The following CAMK4 variants were observed in gnomAD, a reference collection of about 807,000 sequenced individuals.
CAMK4 encodes the protein calcium/calmodulin dependent protein kinase IV, also known as calcium/calmodulin-dependent protein kinase type IV.
CAMK4 carries 22 observed loss-of-function variants against 44.9 expected under a neutral mutation model. The ratio of observed to expected loss-of-function variants is 0.49; its 90% confidence interval spans 0.35 to 0.70. The LOEUF (loss-of-function observed/expected upper bound fraction) is 0.70, where lower values mean the gene tolerates loss of function less well. CAMK4 is among the 30% of genes least tolerant of loss of function. The probability of loss-of-function intolerance (pLI) is 0.01; values close to 1 mark genes in which losing one functional copy is unlikely to be tolerated. For synonymous variants in CAMK4, 218 were observed against 215.4 expected, an observed-to-expected ratio of 1.01 and a Z score of -0.11; for missense variants, 498 against 586.8, an observed-to-expected ratio of 0.85 and a Z score of 1.56.
At chr5:111,404,330 A>G (rs1350277534) in intron 5 of CAMK4, among the ~76,000 whole-genome samples, 3 of 152,164 alleles carry the variant, frequency 2.0e-5, no homozygotes, top group Admixed American at 6.5e-5. Context: ...AGCCTCTGTA[A>G]ACTGTCTAGA....
At chr5:111,337,099 C>T (rs1309718237) in intron 1 of CAMK4, among the ~76,000 whole-genome samples, 2 of 151,036 alleles carry the variant, frequency 1.3e-5, no homozygotes, top group Non-Finnish European at 3.0e-5. Context: ...AAAAAATTCC[C>T]CTATACTACT....
chr5:111,332,440 C>T (rs947116024), intron 1 of CAMK4, among the ~76,000 whole-genome samples: 9 of 151,152 alleles, frequency 6.0e-5, no homozygotes, highest in South Asian at 4.2e-4. Flanking sequence ...TAGTATTCCA[C>T]GATGTATATG....
intron 1 of CAMK4, among the ~76,000 whole-genome samples, chr5:111,263,662 G>T (rs1428961297): frequency 6.6e-6 from 1 of 152,090 alleles, no homozygotes; most frequent in Non-Finnish European, 1.5e-5. Flanking sequence ...ATGTAAACCA[G>T]TCCAAATTGT....
intron 7 of CAMK4, among the ~76,000 whole-genome samples, chr5:111,454,824 T>C (rs1754362317): frequency 6.6e-6 from 1 of 151,112 alleles, no homozygotes; most frequent in African/African-American, 2.4e-5. Context: ...ATCAAGTTGT[T>C]AGAGTAGAAA....
intron 2 of CAMK4, among the ~76,000 whole-genome samples, chr5:111,354,689 T>C (rs1403723311): frequency 6.6e-6 from 1 of 151,966 alleles, no homozygotes. Context: ...AGAGCGAGAC[T>C]CTGTCTCAAA....
intron 5 of CAMK4, among the ~76,000 whole-genome samples, chr5:111,419,565 T>A (rs1752945638): frequency 6.6e-6 from 1 of 152,216 alleles, no homozygotes; most frequent in Admixed American, 6.5e-5. Context: ...TCTAGGGTTT[T>A]TATGGTTTTA....
At chr5:111,358,559 CTT>C (rs1348100077) in intron 2 of CAMK4, among the ~76,000 whole-genome samples, 3 of 140,814 alleles carry the variant, frequency 2.1e-5, no homozygotes, top group Admixed American at 1.4e-4. Context: ...CAGGATTTTT[CTT>C]TTTTTTTTTT....
intron 1 of CAMK4, chr5:111,266,189 T>C (rs1750232232): frequency 9.8e-6 from 1 of 101,932 alleles, no homozygotes; most frequent in Admixed American, 1.2e-4. Context: ...TAAATAAATA[T>C]ATTCACACAC....
intron 7 of CAMK4, among the ~76,000 whole-genome samples, chr5:111,469,158 AAAAAAAAAAAAAAAATATATAT>A (rs1343872494): frequency 1.4e-4 from 12 of 83,202 alleles, no homozygotes; most frequent in South Asian, 4.0e-4. Context: ...AAAAAAAAAA[AAAAAAAAAAAAAAAATATATAT>A]ATATATATAT....
intron 5 of CAMK4, among the ~76,000 whole-genome samples, chr5:111,429,342 G>A (rs1304726026): frequency 6.6e-6 from 1 of 152,164 alleles, no homozygotes; most frequent in Non-Finnish European, 1.5e-5. Flanking sequence ...GGTAATTAGT[G>A]CTACTGCGAG....
At chr5:111,460,284 T>TA (rs1158505834) in intron 7 of CAMK4, among the ~76,000 whole-genome samples, 1 of 147,972 alleles carries the variant, frequency 6.8e-6, no homozygotes, top group Non-Finnish European at 1.5e-5. Flanking sequence ...TTTTTTTTTT[T>TA]TGAGGCAGAG....
intron 5 of CAMK4, among the ~76,000 whole-genome samples, chr5:111,430,613 G>A (rs1046019540): frequency 6.6e-6 from 1 of 152,114 alleles, no homozygotes; most frequent in East Asian, 1.9e-4. Context: ...TAAAGTCACA[G>A]GATACAAAAT....
intron 2 of CAMK4, among the ~76,000 whole-genome samples, chr5:111,357,155 T>C (rs1218922073): frequency 6.6e-6 from 1 of 152,084 alleles, no homozygotes; most frequent in East Asian, 1.9e-4. Context: ...AAAAAGGAGA[T>C]ATATAACCAA....
At chr5:111,308,657 T>G (rs1748051014) in intron 1 of CAMK4, among the ~76,000 whole-genome samples, 1 of 152,206 alleles carries the variant, frequency 6.6e-6, no homozygotes, top group South Asian at 2.1e-4. Flanking sequence ...GAGGTTCAGT[T>G]TGACTCAGAT....
At chr5:111,329,180 C>G (rs1252422969) in intron 1 of CAMK4, among the ~76,000 whole-genome samples, 4 of 151,870 alleles carry the variant, frequency 2.6e-5, no homozygotes, top group African/African-American at 9.7e-5. Context: ...TTCAACAACG[C>G]TTCATGCTAA....
At chr5:111,341,813 T>A (rs1452656083) in intron 1 of CAMK4, among the ~76,000 whole-genome samples, 3 of 151,350 alleles carry the variant, frequency 2.0e-5, no homozygotes, top group African/African-American at 7.3e-5. Context: ...TCATGTAACT[T>A]GCATGGGGTC....
Position 111,381,594 on chromosome 5 carries a change from A to G in CAMK4, c.386+4652A>G, listed in dbSNP as rs73216014. 1.6e-3 allele frequency among the ~76,000 whole-genome samples: 248 copies of G among 152,258 alleles called. 2 individuals carry two copies. The highest frequency in any genetic ancestry group is 5.6e-3 in the African/African-American group (232 of 41,554). ...GGCAGCTGATTGAGGGTGGGTCTGC[A>G]TCTCCCAGTTCATCGTTAATCTCCT... On this transcript the variant is annotated intron_variant, in intron 4 of 10. Coordinates refer to ENST00000282356, the MANE Select transcript of CAMK4 (RefSeq NM_001744.6).
At chr5:111,323,455 C>T (rs1227991638) in intron 1 of CAMK4, among the ~76,000 whole-genome samples, 1 of 151,814 alleles carries the variant, frequency 6.6e-6, no homozygotes, top group African/African-American at 2.4e-5. Context: ...ATGCATTTTC[C>T]ACTTATGATA....
rs560494554 is a variant in CAMK4 at position 111,433,096 on chromosome 5, G to A, written c.460-13590G>A. 5.9e-5 allele frequency among the ~76,000 whole-genome samples: 9 copies of A among 152,254 alleles called. 1 individual carries two copies. The South Asian group carries it at 1.7e-3, about 28-fold the overall frequency. On this transcript the variant is annotated intron_variant, in intron 5 of 10. Coordinates refer to ENST00000282356, the MANE Select transcript of CAMK4 (RefSeq NM_001744.6). Reference sequence around the variant, plus strand: ...TCACAGAGAAGATGGTATTAATCTGGGTTATAAAGTGTTCCAGTCACTGCT... The same window carrying A: ...TCACAGAGAAGATGGTATTAATCTGAGTTATAAAGTGTTCCAGTCACTGCT...
Sources: allele counts gnomAD v4.1 joint callset (sites outside exome capture counted in the v4.1 genomes callset), GRCh38; gene constraint gnomAD v4.1.1; transcripts MANE v1.5; gene names NCBI Gene and HGNC (gene_info 2026-07-23, HGNC 2026-07-21).